Variants in CHST8 observed in about 807,000 individuals in gnomAD.
CHST8 encodes the protein GALNAC-4-ST1.
A neutral mutation model predicts 15.0 loss-of-function variants in CHST8; 10 were observed. That is an observed-to-expected ratio of 0.67 (90% CI 0.41 to 1.13). CHST8 has a LOEUF of 1.13. Ranked by LOEUF, CHST8 falls within the 50% of genes most tolerant of loss-of-function variation. The pLI is 0.00. For synonymous variants in CHST8, 259 were observed against 256.6 expected, an observed-to-expected ratio of 1.01 and a Z score of -0.09; for missense variants, 634 against 608.2, an observed-to-expected ratio of 1.04 and a Z score of -0.45.
intron 1 of CHST8, among the ~76,000 whole-genome samples, chr19:33,624,116 G>A (rs374049636): frequency 6.6e-6 from 1 of 152,136 alleles, no homozygotes; most frequent in Admixed American, 6.5e-5. Context: ...AATCAGACTC[G>A]GCAAGAGTGA....
rs8102026 is a variant in CHST8 at position 33,764,761 on chromosome 19, G to A, written c.131-6652G>A. Among the ~76,000 whole-genome samples, 500 of 152,026 alleles carry A rather than the reference G, an allele frequency of 3.3e-3. 3 individuals carry two copies. The highest frequency in any genetic ancestry group is 0.012 in the African/African-American group (485 of 41,434). ...TGATTACCTAAGTTCTTTAGTTAGCGGTGAATGGTGAGATTTTGATGTACC... is the reference window on the plus strand; with the variant it reads ...TGATTACCTAAGTTCTTTAGTTAGCAGTGAATGGTGAGATTTTGATGTACC... On this transcript the variant is annotated intron_variant, in intron 3 of 4. Transcript: ENST00000650847.
intron 2 of CHST8, among the ~76,000 whole-genome samples, chr19:33,671,168 A>G (rs557304131): frequency 6.6e-6 from 1 of 152,342 alleles, no homozygotes; most frequent in Non-Finnish European, 1.5e-5. Flanking sequence ...TTCAAGATCC[A>G]GAATATCCAC....
chr19:33,771,885 A>G, intron 4 of CHST8, 72 bp from the exon 5 acceptor site: 1 of 1,489,308 alleles, frequency 6.7e-7, no homozygotes, highest in Admixed American at 2.3e-5. Context: ...CCGTGGTGAG[A>G]GCCTGACCTG....
At chr19:33,677,848 G>A (rs1972830026) in intron 2 of CHST8, among the ~76,000 whole-genome samples, 1 of 152,218 alleles carries the variant, frequency 6.6e-6, no homozygotes, top group East Asian at 1.9e-4. Context: ...GATGAGACTG[G>A]GCACGGGAGG....
At chr19:33,759,226 C>T (rs1200883784) in intron 3 of CHST8, among the ~76,000 whole-genome samples, 1 of 152,236 alleles carries the variant, frequency 6.6e-6, no homozygotes, top group Non-Finnish European at 1.5e-5. Context: ...CTTTATGGGG[C>T]CACCCCAGCC....
In CHST8 at chr19:33,772,496, G is replaced by A. The variant is rs376831266; in HGVS notation, c.708G>A (p.Leu236=). The A allele has an allele frequency of 2.5e-5, 40 of 1,613,772 alleles. No individual in the cohort carries two copies. The Middle Eastern group carries it at 4.9e-4, about 20-fold the overall frequency. ...ACTATGGCAGCGCTCTCAAGCGCCT[G>A]GACACCTTCGACCGCCAGGGTATCT... is the stretch of plus-strand genomic sequence containing the variant. ...TVHYGSALKR[L]DTFDRQGILH... The change falls in exon 5 of 5, where the codon CTG becomes CTA. Residue 236 remains leucine, a synonymous_variant. Coordinates refer to ENST00000650847, the MANE Select transcript of CHST8 (RefSeq NM_001127895.2).
At chr19:33,632,747 TTGTG>T (rs10589446) in intron 1 of CHST8, among the ~76,000 whole-genome samples, 24,729 of 149,460 alleles carry the variant, frequency 0.17, 2,168 homozygotes, top group Non-Finnish European at 0.21. Context: ...TTGGTTTTCC[TTGTG>T]TGTGTGTGTG....
chr19:33,700,234 A>G (rs1473086529), intron 3 of CHST8, among the ~76,000 whole-genome samples: 2 of 152,134 alleles, frequency 1.3e-5, no homozygotes, highest in African/African-American at 4.8e-5. Context: ...CATCATATAT[A>G]TTTCCTACAA....
At chr19:33,686,414 C>T (rs1972981689) in intron 2 of CHST8, among the ~76,000 whole-genome samples, 1 of 152,128 alleles carries the variant, frequency 6.6e-6, no homozygotes, top group South Asian at 2.1e-4. Flanking sequence ...CCATTTAGTC[C>T]TTGACAGTGG....
intron 3 of CHST8, among the ~76,000 whole-genome samples, chr19:33,764,389 CTT>C (rs1238369793): frequency 6.6e-6 from 1 of 152,234 alleles, no homozygotes. Flanking sequence ...AATCCCAGCA[CTT>C]TGCGAGGCCA....
chr19:33,645,762 A>G (rs1038906565), intron 1 of CHST8, among the ~76,000 whole-genome samples: 20 of 152,210 alleles, frequency 1.3e-4, no homozygotes, highest in Non-Finnish European at 2.1e-4. Flanking sequence ...TTATACCCCA[A>G]TGGGTTCTTC....
intron 3 of CHST8, among the ~76,000 whole-genome samples, chr19:33,738,464 C>T (rs916225069): frequency 3.3e-5 from 5 of 152,202 alleles, no homozygotes; most frequent in Non-Finnish European, 7.3e-5. Flanking sequence ...AAATGTCTAT[C>T]CTCCCAGAAG....
In CHST8 at chr19:33,694,592, T is replaced by G. The variant is rs569995067; in HGVS notation, c.130+5201T>G. ...CCAGGCCTCGTATTGAGAACTTTAC[T>G]TTTTTGAGACAGAGTCTCGCTCTGT... On this transcript the variant is annotated intron_variant, in intron 3 of 4. Coordinates refer to ENST00000650847, the MANE Select transcript of CHST8 (RefSeq NM_001127895.2). Among the ~76,000 whole-genome samples, 7 of 152,258 alleles carry G rather than the reference T, an allele frequency of 4.6e-5. No homozygotes were observed. The South Asian group carries it at 1.5e-3, about 32-fold the overall frequency.
intron 1 of CHST8, among the ~76,000 whole-genome samples, chr19:33,656,766 T>C (rs1972514278): frequency 6.6e-6 from 1 of 152,170 alleles, no homozygotes; most frequent in African/African-American, 2.4e-5. Flanking sequence ...CTCGAACTCC[T>C]GGGCTCAAGT....
chr19:33,698,388 G>GAAA (rs869303685), intron 3 of CHST8, among the ~76,000 whole-genome samples: 1 of 94,026 alleles, frequency 1.1e-5, no homozygotes, highest in Non-Finnish European at 2.2e-5. Flanking sequence ...ATCTCAAAAA[G>GAAA]AAAAAAAAAA....
intron 3 of CHST8, among the ~76,000 whole-genome samples, chr19:33,718,464 C>T (rs1973708078): frequency 6.6e-6 from 1 of 152,222 alleles, no homozygotes; most frequent in South Asian, 2.1e-4. Context: ...TTGCTGCATT[C>T]TGTGGGGCAA....
chr19:33,733,948 C>T (rs1176186137), intron 3 of CHST8, among the ~76,000 whole-genome samples: 1 of 152,230 alleles, frequency 6.6e-6, no homozygotes, highest in Non-Finnish European at 1.5e-5. Context: ...GCCTCCTCTC[C>T]CTGTGAGCAG....
At chr19:33,685,390 C>T (rs1019304127) in intron 2 of CHST8, among the ~76,000 whole-genome samples, 12 of 147,454 alleles carry the variant, frequency 8.1e-5, no homozygotes, top group Admixed American at 6.8e-4. Flanking sequence ...AAATTGGTGA[C>T]GCCATTCAGG....
rs139400947 is a variant in CHST8 at position 33,702,679 on chromosome 19, C to T, written c.130+13288C>T. ...TGCGTCTCCACAGTGGCCAATTGTTCCCCAGAGGACCCCCGAGGGGGATGA... is the reference window on the plus strand; with the variant it reads ...TGCGTCTCCACAGTGGCCAATTGTTTCCCAGAGGACCCCCGAGGGGGATGA... On this transcript the variant is annotated intron_variant, in intron 3 of 4. Coordinates refer to ENST00000650847, the MANE Select transcript of CHST8 (RefSeq NM_001127895.2). Among the ~76,000 whole-genome samples, 329 of 152,298 alleles carry T rather than the reference C, an allele frequency of 2.2e-3. 1 individual carries two copies. The highest frequency in any genetic ancestry group is 7.5e-3 in the African/African-American group (313 of 41,566).
Sources: allele counts gnomAD v4.1 joint callset (sites outside exome capture counted in the v4.1 genomes callset), GRCh38; gene constraint gnomAD v4.1.1; transcripts MANE v1.5; gene names NCBI Gene and HGNC (gene_info 2026-07-23, HGNC 2026-07-21).